Variants in SMAD6 observed in about 807,000 individuals in gnomAD.
SMAD6 encodes the protein MAD homolog 6.
SMAD6 carries 103 observed loss-of-function variants against 39.4 expected under a neutral mutation model. That is an observed-to-expected ratio of 2.62 (90% CI 2.23 to 3.08). The LOEUF is 3.08. SMAD6 is among the 30% of genes most tolerant of loss of function. The pLI, the probability that SMAD6 is intolerant of heterozygous loss-of-function variation, is 0.00. For synonymous variants in SMAD6, 445 were observed against 353.3 expected, an observed-to-expected ratio of 1.26 and a Z score of -2.91; for missense variants, 1,104 against 742.9, an observed-to-expected ratio of 1.49 and a Z score of -5.65.
Position 66,782,195 on chromosome 15 carries a change from A to G in SMAD6, c.*660A>G, listed in dbSNP as rs1948457112. 1 of 329,574 alleles carries G rather than the reference A, an allele frequency of 3.0e-6. No homozygotes were observed. The highest frequency in any genetic ancestry group is 5.3e-6 in the Non-Finnish European group (1 of 187,880). The allele number at this position is 329,574 out of a possible 1,614,324, so 20.4% of individuals were successfully genotyped here. ...CTGTTGTTCCTTCCTGCCCATGGCT[A>G]TGGGGTGTCCAGTGGATAGGGATGG... On this transcript the variant is annotated 3_prime_UTR_variant, in exon 4 of 4. Coordinates refer to ENST00000288840, the MANE Select transcript of SMAD6 (RefSeq NM_005585.5).
chr15:66,722,155 A>G (rs1342375567), intron 3 of SMAD6, among the ~76,000 whole-genome samples: 1 of 152,180 alleles, frequency 6.6e-6, no homozygotes, highest in African/African-American at 2.4e-5. Flanking sequence ...GTGGACATAT[A>G]AGTGCCAGCT....
intron 3 of SMAD6, among the ~76,000 whole-genome samples, chr15:66,772,214 TAG>T (rs1894390897): frequency 6.6e-6 from 1 of 152,232 alleles, no homozygotes; most frequent in African/African-American, 2.4e-5. Context: ...TCTCTAAGCC[TAG>T]ATAGATGGAA....
intron 3 of SMAD6, among the ~76,000 whole-genome samples, chr15:66,742,401 C>G (rs536340694): frequency 6.6e-6 from 1 of 152,122 alleles, no homozygotes; most frequent in Non-Finnish European, 1.5e-5. Flanking sequence ...GGCGCGGGAA[C>G]AAGTTACTTT....
intron 3 of SMAD6, among the ~76,000 whole-genome samples, chr15:66,759,335 G>A (rs948858586): frequency 9.8e-5 from 11 of 112,332 alleles, no homozygotes; most frequent in African/African-American, 3.3e-4. Context: ...GGACAGAGAG[G>A]AAGAGAGAGA....
intron 3 of SMAD6, among the ~76,000 whole-genome samples, chr15:66,762,420 G>C (rs1381229645): frequency 6.6e-6 from 1 of 151,824 alleles, no homozygotes; most frequent in Non-Finnish European, 1.5e-5. Context: ...CACAATGAGT[G>C]GTTCTTGAAA....
At chr15:66,762,000 G>A (rs914735322) in intron 3 of SMAD6, among the ~76,000 whole-genome samples, 12 of 152,184 alleles carry the variant, frequency 7.9e-5, no homozygotes, top group African/African-American at 2.9e-4. Flanking sequence ...CCCAGGCTGC[G>A]GCGTCTTCAG....
At chr15:66,778,895 GC>G (rs1441292506) in intron 3 of SMAD6, among the ~76,000 whole-genome samples, 2 of 152,216 alleles carry the variant, frequency 1.3e-5, no homozygotes, top group African/African-American at 4.8e-5. Context: ...GGATGCCGTT[GC>G]CCGTCCTGTC....
At chr15:66,704,280 C>T (rs575274482) in intron 1 of SMAD6, 3 of 395,098 alleles carry the variant, frequency 7.6e-6, no homozygotes, top group South Asian at 1.2e-4. Flanking sequence ...AACTTTATCT[C>T]AAGGCTCCGG....
chr15:66,733,211 A>G (rs1430259560), intron 3 of SMAD6, among the ~76,000 whole-genome samples: 2 of 152,174 alleles, frequency 1.3e-5, no homozygotes, highest in African/African-American at 4.8e-5. Flanking sequence ...GTAGCTTATT[A>G]TAGTAAGTTT....
In SMAD6 at chr15:66,721,835, C is replaced by T. The variant is rs140145415; in HGVS notation, c.952+5337C>T. Among the ~76,000 whole-genome samples the T allele has an allele frequency of 1.3e-3, 201 of 152,240 alleles. 1 individual carries two copies. The Middle Eastern group carries it at 0.02, about 15-fold the overall frequency. On this transcript the variant is annotated intron_variant, in intron 3 of 3. Coordinates refer to ENST00000288840, the MANE Select transcript of SMAD6 (RefSeq NM_005585.5). ...TAAAGACACAAACAATAACAAGAGG[C>T]GGTCCAGAGGAAGAAGGGATTAGTG...
At chr15:66,770,349 G>A (rs144324595) in intron 3 of SMAD6, among the ~76,000 whole-genome samples, 1 of 152,254 alleles carries the variant, frequency 6.6e-6, no homozygotes, top group Non-Finnish European at 1.5e-5. Context: ...AACCGGCGCG[G>A]CCTGATGTAA....
chr15:66,763,554 G>A (rs1232153129), intron 3 of SMAD6, among the ~76,000 whole-genome samples: 1 of 152,196 alleles, frequency 6.6e-6, no homozygotes, highest in Non-Finnish European at 1.5e-5. Context: ...CTCGGGCCAG[G>A]ACCGACGCAC....
At chr15:66,758,603 G>A (rs1340259400) in intron 3 of SMAD6, among the ~76,000 whole-genome samples, 1 of 152,078 alleles carries the variant, frequency 6.6e-6, no homozygotes, top group Non-Finnish European at 1.5e-5. Context: ...TTGCAGGCAT[G>A]TATAGTCCCA....
Position 66,716,460 on chromosome 15 carries a change from CTA to C in SMAD6, c.915_916del (p.Thr306GlnfsTer9). On this transcript the variant is annotated frameshift_variant, in exon 3 of 4. Transcript: ENST00000288840. LOFTEE classifies it high-confidence loss of function. ...ACATTGTCTTACACTGAAACGGAGG[CTA>C]CCAACTCCCTCATCACTGCTCCGGG... is the stretch of plus-strand genomic sequence containing the variant. 1 of 1,613,880 alleles carries C rather than the reference CTA, an allele frequency of 6.2e-7. No individual in the cohort carries two copies.
intron 2 of SMAD6, among the ~76,000 whole-genome samples, chr15:66,715,737 T>C (rs998201700): frequency 3.5e-5 from 5 of 141,278 alleles, no homozygotes; most frequent in African/African-American, 8.0e-5. Context: ...AAACCAATAA[T>C]GTACATATGA....
intron 1 of SMAD6, chr15:66,708,818 T>TA (rs942573511): frequency 6.0e-5 from 27 of 448,902 alleles, no homozygotes; most frequent in Admixed American, 1.2e-4. Context: ...CTTTTTGCGA[T>TA]AAAAAAAATG....
intron 3 of SMAD6, among the ~76,000 whole-genome samples, chr15:66,731,533 T>C (rs114163497): frequency 0.018 from 2,762 of 152,264 alleles, 78 homozygotes; most frequent in African/African-American, 0.061. Context: ...TCTGTCTCTA[T>C]AGTTTTGCTT....
At chr15:66,745,522 C>CT (rs1893892289) in intron 3 of SMAD6, among the ~76,000 whole-genome samples, 1 of 152,226 alleles carries the variant, frequency 6.6e-6, no homozygotes, top group African/African-American at 2.4e-5. Flanking sequence ...GGGAAAAGGG[C>CT]TTCCTACTCC....
chr15:66,724,877 C>T (rs1227195845), intron 3 of SMAD6, among the ~76,000 whole-genome samples: 1 of 152,112 alleles, frequency 6.6e-6, no homozygotes, highest in Admixed American at 6.5e-5. Flanking sequence ...CTGCAGATGG[C>T]CCCTACCCCT....
Sources: allele counts gnomAD v4.1 joint callset (sites outside exome capture counted in the v4.1 genomes callset), GRCh38; gene constraint gnomAD v4.1.1; transcripts MANE v1.5; gene names NCBI Gene and HGNC (gene_info 2026-07-23, HGNC 2026-07-21).